Variants in NEO1 observed in about 807,000 individuals in gnomAD.
NEO1 encodes neogenin 1.
Under a neutral mutation model 159.7 loss-of-function variants are expected in NEO1, and 63 were observed. The observed-to-expected ratio is 0.39, with a 90% CI of 0.32 to 0.49. NEO1 has a LOEUF of 0.49. Among genes scored for constraint, NEO1 ranks in the 20% least tolerant of loss-of-function variants. The probability of loss-of-function intolerance (pLI) is 0.85; values close to 1 mark genes in which losing one functional copy is unlikely to be tolerated. For missense variants in NEO1, 1,615 were observed against 1,831.0 expected, an observed-to-expected ratio of 0.88 and a Z score of 2.15; for synonymous variants, 633 against 662.0, an observed-to-expected ratio of 0.96 and a Z score of 0.67.
At chr15:73,058,063 A>T (rs943922252) in intron 1 of NEO1, among the ~76,000 whole-genome samples, 1 of 152,054 alleles carries the variant, frequency 6.6e-6, no homozygotes, top group Non-Finnish European at 1.5e-5. Context: ...CATACTACCT[A>T]TTGTTTTTTC....
intron 1 of NEO1, among the ~76,000 whole-genome samples, chr15:73,086,469 T>C (rs914841958): frequency 6.6e-6 from 1 of 152,138 alleles, no homozygotes. Flanking sequence ...TGGTTGAGAT[T>C]ATGACTGGAA....
intron 3 of NEO1, among the ~76,000 whole-genome samples, chr15:73,123,766 A>C (rs1319640926): frequency 1.3e-5 from 2 of 152,036 alleles, no homozygotes; most frequent in African/African-American, 4.8e-5. Flanking sequence ...TGCCCCCTCC[A>C]TATTTCTCAT....
chr15:73,115,141 C>G (rs1248149209), intron 1 of NEO1, among the ~76,000 whole-genome samples: 2 of 152,042 alleles, frequency 1.3e-5, no homozygotes, highest in Non-Finnish European at 2.9e-5. Context: ...CTCCCAGGTT[C>G]AAGTGATTTT....
intron 1 of NEO1, among the ~76,000 whole-genome samples, chr15:73,098,347 A>G (rs1163497019): frequency 6.6e-6 from 1 of 152,314 alleles, no homozygotes; most frequent in East Asian, 1.9e-4. Flanking sequence ...TTAATTATGT[A>G]AAATGTTTAC....
At chr15:73,070,777 GTCTC>G (rs1172168731) in intron 1 of NEO1, among the ~76,000 whole-genome samples, 1 of 152,108 alleles carries the variant, frequency 6.6e-6, no homozygotes, top group Non-Finnish European at 1.5e-5. Context: ...TGAATGTTCT[GTCTC>G]TCTGTCTCAC....
At chr15:73,291,776 A>G (rs1172366200) in intron 25 of NEO1, among the ~76,000 whole-genome samples, 5 of 151,928 alleles carry the variant, frequency 3.3e-5, no homozygotes, top group South Asian at 2.1e-4. Flanking sequence ...ATTTTTTTTT[A>G]TTTACTTACC....
intron 25 of NEO1, among the ~76,000 whole-genome samples, chr15:73,292,833 C>T (rs938448862): frequency 1.3e-5 from 2 of 152,138 alleles, no homozygotes; most frequent in East Asian, 1.9e-4. Flanking sequence ...ACATGAAAGC[C>T]GATTAAACAG....
At chr15:73,206,315 C>T (rs2037223099) in intron 7 of NEO1, among the ~76,000 whole-genome samples, 1 of 152,020 alleles carries the variant, frequency 6.6e-6, no homozygotes, top group Non-Finnish European at 1.5e-5. Context: ...TATTATTTCT[C>T]TTGTTGAATT....
chr15:73,259,499 C>T (rs1350259472), intron 14 of NEO1, among the ~76,000 whole-genome samples: 3 of 151,582 alleles, frequency 2.0e-5, no homozygotes, highest in African/African-American at 7.3e-5. Flanking sequence ...GCAGCTGGGA[C>T]CACGGGTGTG....
intron 1 of NEO1, among the ~76,000 whole-genome samples, chr15:73,098,827 C>T (rs1420161396): frequency 1.3e-5 from 2 of 152,198 alleles, no homozygotes; most frequent in South Asian, 2.1e-4. Flanking sequence ...CTAGATTTTG[C>T]AGATTTTCCT....
At chr15:73,125,191 GT>G (rs368197601) in intron 3 of NEO1, among the ~76,000 whole-genome samples, 83 of 152,336 alleles carry the variant, frequency 5.4e-4, no homozygotes, top group African/African-American at 1.9e-3. Flanking sequence ...GTCAAACATA[GT>G]TTTCTTGAGC....
At chr15:73,278,231 C>CT (rs760268725) in intron 22 of NEO1, 32 bp downstream of exon 22, 1 of 1,593,462 alleles carries the variant, frequency 6.3e-7, no homozygotes, top group African/African-American at 1.3e-5. Flanking sequence ...TTTTTGCTTA[C>CT]TATGGACATG....
At chr15:73,068,730 G>A (rs916566972) in intron 1 of NEO1, among the ~76,000 whole-genome samples, 1 of 152,100 alleles carries the variant, frequency 6.6e-6, no homozygotes, top group African/African-American at 2.4e-5. Flanking sequence ...GTGTTGGTGG[G>A]CATTGGTTAA....
intron 5 of NEO1, among the ~76,000 whole-genome samples, chr15:73,163,733 C>T (rs933973190): frequency 6.6e-6 from 1 of 152,152 alleles, no homozygotes; most frequent in Non-Finnish European, 1.5e-5. Context: ...CCAGATGTTG[C>T]CAGTGCTATT....
intron 12 of NEO1, among the ~76,000 whole-genome samples, chr15:73,254,072 T>C (rs1206322526): frequency 1.3e-5 from 2 of 152,116 alleles, no homozygotes; most frequent in African/African-American, 2.4e-5. Flanking sequence ...ACGCCTGTAG[T>C]CCCAGCTGCT....
chr15:73,298,805 C>T (rs571786903), intron 27 of NEO1, among the ~76,000 whole-genome samples, 194 bp downstream of exon 27: 1 of 152,318 alleles, frequency 6.6e-6, no homozygotes, highest in African/African-American at 2.4e-5. Flanking sequence ...TTTCTGGGAA[C>T]ACTTACAAAC....
At chr15:73,112,167 A>G (rs2071033658) in intron 1 of NEO1, among the ~76,000 whole-genome samples, 3 of 152,114 alleles carry the variant, frequency 2.0e-5, no homozygotes, top group South Asian at 4.1e-4. Context: ...TTTTTCACAG[A>G]ACTGATTCTA....
At chr15:73,244,954 CAAAAAAAAAAAAA>C (rs57566986) in intron 9 of NEO1, among the ~76,000 whole-genome samples, 11 of 16,514 alleles carry the variant, frequency 6.7e-4, no homozygotes, top group African/African-American at 1.5e-3. Flanking sequence ...GACTCTGTCT[CAAAAAAAAAAAAA>C]AAAAAAAAAA....
chr15:73,092,801 A>C (rs2151454639), intron 1 of NEO1, among the ~76,000 whole-genome samples: 1 of 152,330 alleles, frequency 6.6e-6, no homozygotes, highest in South Asian at 2.1e-4. Context: ...CATATACTCC[A>C]CACCCAGTAT....
Sources: allele counts gnomAD v4.1 joint callset (sites outside exome capture counted in the v4.1 genomes callset), GRCh38; gene constraint gnomAD v4.1.1; transcripts MANE v1.5; gene names NCBI Gene and HGNC (gene_info 2026-07-23, HGNC 2026-07-21).